STX1B: variants seen among roughly 807,000 people sequenced by gnomAD.
STX1B encodes the protein syntaxin 1B.
A neutral mutation model predicts 39.4 loss-of-function variants in STX1B; 7 were observed. That is an observed-to-expected ratio of 0.18 (90% CI 0.10 to 0.33). The LOEUF (loss-of-function observed/expected upper bound fraction) is 0.33, where lower values mean the gene tolerates loss of function less well. STX1B is among the 10% of genes least tolerant of loss of function. The pLI, the probability that STX1B is intolerant of heterozygous loss-of-function variation, is 1.00. For synonymous variants in STX1B, 136 were observed against 144.1 expected (o/e 0.94, Z 0.40); for missense variants, 198 against 383.2 (o/e 0.52, Z 4.04).
rs1367952976 is a variant in STX1B, at chr16:30,989,637, G to A, written c.*3184C>T. The stretch of plus-strand genomic sequence containing the variant: ...CACAGAAACACACGCCAACGCACAC[G>A]GCTGCACAGCGGGCAGGGGCGGTTA... On this transcript the variant is annotated 3_prime_UTR_variant, in exon 10 of 10. Coordinates refer to ENST00000215095, the MANE Select transcript of STX1B (RefSeq NM_052874.5). The A allele has an allele frequency of 1.3e-5, 2 of 152,440 alleles. No individual in the cohort carries two copies. Among genetic ancestry groups the A allele is most frequent in the African/African-American group, 2.4e-5 (1 of 41,442 alleles). 9.4% of individuals were successfully genotyped at this position (152,440 alleles called of 1,614,324 possible).
At chr16:31,003,887 G>A (rs376019746) in intron 1 of STX1B, among the ~76,000 whole-genome samples, 31 of 152,170 alleles carry the variant, frequency 2.0e-4, no homozygotes, top group Admixed American at 1.6e-3. Context: ...AAACATCATC[G>A]TCCCCATTTC....
In STX1B at chr16:31,001,430, T is replaced by C. The variant is rs1370548313; in HGVS notation, c.105+99A>G. 1.8e-6 allele frequency: 1 copy of C among 558,538 alleles called. No individual in the cohort carries two copies. Among genetic ancestry groups the C allele is most frequent in the Admixed American group, 5.8e-5 (1 of 17,234 alleles). 34.6% of individuals were successfully genotyped at this position (558,538 alleles called of 1,614,324 possible). ...AGGGGCTGGGGCTGGGTGCTGGGGC[T>C]GGGGCTGGGTGCCGGGGCTGAGGCT... On this transcript the variant is annotated intron_variant, in intron 2 of 9. Coordinates refer to ENST00000215095, the MANE Select transcript of STX1B (RefSeq NM_052874.5). This position sits in a 1 kb window ranked among gnomAD's most constrained non-coding sequence, Gnocchi z 5.5.
rs1296762773 is a variant in STX1B, at chr16:30,992,089, G to GGA, written c.*730_*731dup. 2 of 84,034 alleles carry GGA rather than the reference G, an allele frequency of 2.4e-5. No homozygotes were observed. The highest frequency in any genetic ancestry group is 6.3e-5 in the Non-Finnish European group (2 of 31,516). 5.2% of individuals were successfully genotyped at this position (84,034 alleles called of 1,614,324 possible). A position where few individuals can be genotyped will look rare whatever the true frequency, so the allele number is the denominator to read the frequency against. On this transcript the variant is annotated 3_prime_UTR_variant, in exon 10 of 10. Transcript: ENST00000215095. Reference sequence around the variant, plus strand: ...CCTATCAATACTTCAGGCACATCCTGGACACACACACACACACACACACAC... The same window carrying GGA: ...CCTATCAATACTTCAGGCACATCCTGGAGACACACACACACACACACACACAC...
intron 1 of STX1B, among the ~76,000 whole-genome samples, chr16:31,007,459 C>G (rs1308719630): frequency 2.0e-5 from 3 of 152,198 alleles, no homozygotes; most frequent in Admixed American, 6.6e-5. Context: ...ACCTCACTCA[C>G]TCTGCTCTTT....
At chr16:30,998,320 C>T (rs958520170) in intron 4 of STX1B, among the ~76,000 whole-genome samples, 1 of 152,264 alleles carries the variant, frequency 6.6e-6, no homozygotes, top group Non-Finnish European at 1.5e-5. Context: ...TCTCAGACCT[C>T]ACCAGCCTCC....
At chr16:31,000,822 C>T in intron 4 of STX1B, 106 bp downstream of exon 4, 1 of 1,131,610 alleles carries the variant, frequency 8.8e-7, no homozygotes, top group Non-Finnish European at 1.3e-6. Context: ...TGGTGTTGAA[C>T]TCCTGGGATT....
chr16:31,009,631 A>C (rs2056671132), intron 1 of STX1B, among the ~76,000 whole-genome samples: 2 of 150,608 alleles, frequency 1.3e-5, no homozygotes, highest in Non-Finnish European at 1.5e-5. Flanking sequence ...GCCTGGCCAG[A>C]CTCTTGGAGC....
Position 30,991,267 on chromosome 16 carries a change from G to A in STX1B, c.*1554C>T, listed in dbSNP as rs2056555933. On this transcript the variant is annotated 3_prime_UTR_variant, in exon 10 of 10. Coordinates refer to ENST00000215095, the MANE Select transcript of STX1B (RefSeq NM_052874.5). ...CGGCCTTGCCACGTGTGAGCACACT[G>A]AGGGGTACCAGCTTCCAGGGGCTCG... 1 of 152,916 alleles carries A rather than the reference G, an allele frequency of 6.5e-6. No individual in the cohort carries two copies. The highest frequency in any genetic ancestry group is 1.5e-5 in the Non-Finnish European group (1 of 68,212). 9.5% of individuals were successfully genotyped at this position (152,916 alleles called of 1,614,324 possible). A position where few individuals can be genotyped will look rare whatever the true frequency, so the allele number is the denominator to read the frequency against.
chr16:30,994,074 C>T (rs192028670), intron 7 of STX1B, among the ~76,000 whole-genome samples: 128 of 151,588 alleles, frequency 8.4e-4, no homozygotes, highest in Non-Finnish European at 1.6e-3. Flanking sequence ...GGGCAGATCA[C>T]GAGGTCAGCA....
chr16:31,010,365 A>G lies in STX1B; in HGVS notation c.30+2T>C. 7.0e-7 allele frequency: 1 copy of G among 1,435,958 alleles called. No homozygotes were observed. Among genetic ancestry groups the G allele is most frequent in the Non-Finnish European group, 9.3e-7 (1 of 1,076,120 alleles). 89.0% of individuals were successfully genotyped at this position (1,435,958 alleles called of 1,614,324 possible). On this transcript the variant is annotated splice_donor_variant, in intron 1 of 9. Coordinates refer to ENST00000215095, the MANE Select transcript of STX1B (RefSeq NM_052874.5). LOFTEE classifies it high-confidence loss of function. ...CCCCATTCTCCCCACCCCCAAGCTC[A>G]CACTCCGCAGCTCTTGAGTCCGATC...
chr16:31,003,264 C>T (rs1157065365), intron 1 of STX1B, among the ~76,000 whole-genome samples: 1 of 152,212 alleles, frequency 6.6e-6, no homozygotes, highest in Non-Finnish European at 1.5e-5. Flanking sequence ...CAGACAATCC[C>T]AACCATCCGC....
intron 1 of STX1B, among the ~76,000 whole-genome samples, chr16:31,009,914 C>T (rs2056672329): frequency 6.6e-6 from 1 of 152,084 alleles, no homozygotes; most frequent in African/African-American, 2.4e-5. Flanking sequence ...CTGCCAGGTG[C>T]TGGCATCTCA....
chr16:31,002,472 G>A (rs753946037), intron 1 of STX1B, among the ~76,000 whole-genome samples: 20 of 152,118 alleles, frequency 1.3e-4, no homozygotes, highest in African/African-American at 1.9e-4. Context: ...TGATGCTGGC[G>A]TTCACCCGCA....
intron 7 of STX1B, among the ~76,000 whole-genome samples, chr16:30,993,916 G>T (rs1419338787): frequency 6.6e-6 from 1 of 150,778 alleles, no homozygotes; most frequent in Admixed American, 6.6e-5. Flanking sequence ...ACCCGGGGGG[G>T]CAGAGGTTGC....
rs2056561293 is a variant in STX1B, at chr16:30,991,922, AG to A, written c.*898del. ...AAATTAAAAAGCACACCATGTAGAGAGCCCCTAACACACACACACACGTGCA... is the reference window on the plus strand; with the variant it reads ...AAATTAAAAAGCACACCATGTAGAGACCCCTAACACACACACACACGTGCA... On this transcript the variant is annotated 3_prime_UTR_variant, in exon 10 of 10. Transcript: ENST00000215095. The A allele has an allele frequency of 6.6e-6, 1 of 152,270 alleles. No homozygotes were observed. 9.4% of individuals were successfully genotyped at this position (152,270 alleles called of 1,614,324 possible).
rs919034948 is a variant in STX1B at position 30,991,372 on chromosome 16, G to A, written c.*1449C>T. 5 of 152,714 alleles carry A rather than the reference G, an allele frequency of 3.3e-5. No homozygotes were observed. Among genetic ancestry groups the A allele is most frequent in the South Asian group, 2.1e-4 (1 of 4,836 alleles). 9.5% of individuals were successfully genotyped at this position (152,714 alleles called of 1,614,324 possible). Reference sequence around the variant, plus strand: ...AGAGCCCTGAGGCTGGGCAGGCAGGGAGCTCTGCCTGCACAATGATGTAGC... The same window carrying A: ...AGAGCCCTGAGGCTGGGCAGGCAGGAAGCTCTGCCTGCACAATGATGTAGC... On this transcript the variant is annotated 3_prime_UTR_variant, in exon 10 of 10. Transcript: ENST00000215095.
chr16:30,999,528 T>G (rs1427267964), intron 4 of STX1B, among the ~76,000 whole-genome samples: 1 of 152,196 alleles, frequency 6.6e-6, no homozygotes, highest in Non-Finnish European at 1.5e-5. Context: ...CAACCCACGG[T>G]GCTTTGGGGG....
At chr16:30,996,219 T>A (rs973336878) in intron 7 of STX1B, 6 of 152,410 alleles carry the variant, frequency 3.9e-5, no homozygotes, top group Non-Finnish European at 7.3e-5. Flanking sequence ...TTAAAAAAAA[T>A]TTCTTTTAAT....
At chr16:30,995,671 A>C (rs60294675) in intron 7 of STX1B, among the ~76,000 whole-genome samples, 1 of 151,542 alleles carries the variant, frequency 6.6e-6, no homozygotes, top group Non-Finnish European at 1.5e-5. Flanking sequence ...TTGTATTTTT[A>C]ATAGAGACAG....
Sources: allele counts gnomAD v4.1 joint callset (sites outside exome capture counted in the v4.1 genomes callset), GRCh38; gene constraint gnomAD v4.1.1; non-coding constraint Gnocchi (gnomAD v3.1); transcripts MANE v1.5; gene names NCBI Gene and HGNC (gene_info 2026-07-23, HGNC 2026-07-21).